Variants in FOXJ3 observed in about 807,000 individuals in gnomAD.
FOXJ3 encodes the protein forkhead box J3.
In FOXJ3, 22 loss-of-function variants were observed where a neutral mutation model predicts 76.1. That is an observed-to-expected ratio of 0.29 (90% CI 0.21 to 0.41). The LOEUF (loss-of-function observed/expected upper bound fraction) is 0.41. Ranked by LOEUF, FOXJ3 falls within the 10% of genes least tolerant of loss-of-function variation. FOXJ3 has a pLI of 1.00. For missense variants in FOXJ3, 613 were observed against 762.1 expected (o/e 0.80, Z 2.30); for synonymous variants, 269 against 261.2 (o/e 1.03, Z -0.29).
At chr1:42,243,066 G>C (rs1462298920) in intron 4 of FOXJ3, among the ~76,000 whole-genome samples, 1 of 152,134 alleles carries the variant, frequency 6.6e-6, no homozygotes, top group African/African-American at 2.4e-5. Flanking sequence ...CAGCATGTAG[G>C]TAAAAAATAC....
intron 5 of FOXJ3, among the ~76,000 whole-genome samples, chr1:42,219,431 A>G (rs933206478): frequency 6.6e-6 from 1 of 152,226 alleles, no homozygotes; most frequent in Non-Finnish European, 1.5e-5. Context: ...TATAGGGTTC[A>G]GTACTATCTG....
chr1:42,306,349 C>A lies in FOXJ3; in HGVS notation c.44+4701G>T, dbSNP rs143831325. 4.6e-3 allele frequency among the ~76,000 whole-genome samples: 601 copies of A among 131,720 alleles called. 5 individuals carry two copies. Among genetic ancestry groups the A allele is most frequent in the African/African-American group, 0.016 (569 of 35,288 alleles). The allele number at this position is 131,720 out of a possible 152,430, so 86.4% of individuals were successfully genotyped here. A position where few individuals can be genotyped will look rare whatever the true frequency, so the allele number is the denominator to read the frequency against. ...AGACAGTCTCACTCTGTCACCCAGG[C>A]TGGAGTGCAGTGGCACAATCTCAGC... On this transcript the variant is annotated intron_variant, in intron 2 of 12. Coordinates refer to ENST00000361346, the MANE Select transcript of FOXJ3 (RefSeq NM_014947.5).
intron 2 of FOXJ3, among the ~76,000 whole-genome samples, chr1:42,308,920 A>C (rs1654629755): frequency 6.9e-6 from 1 of 144,930 alleles, no homozygotes; most frequent in Admixed American, 7.4e-5. Context: ...TGAGTGTTTC[A>C]GCATTTCCCA....
Position 42,190,532 on chromosome 1 carries a change from A to C in FOXJ3, c.1351+771T>G, listed in dbSNP as rs537038150. The stretch of plus-strand genomic sequence containing the variant: ...TACCAGACTCAGATCCTTTAGTTCA[A>C]GAAGAACTTCATGGATAAGGAAACC... On this transcript the variant is annotated intron_variant, in intron 9 of 12. Transcript: ENST00000361346. Among the ~76,000 whole-genome samples the C allele has an allele frequency of 3.7e-4, 57 of 152,342 alleles. No individual in the cohort carries two copies. In the South Asian group the frequency reaches 0.011, roughly 28 times the overall value.
chr1:42,241,822 T>C lies in FOXJ3; in HGVS notation c.445-13856A>G, dbSNP rs147967751. Among the ~76,000 whole-genome samples the C allele has an allele frequency of 3.3e-3, 503 of 152,220 alleles. 2 individuals carry two copies. The highest frequency in any genetic ancestry group is 0.012 in the African/African-American group (488 of 41,522). On this transcript the variant is annotated intron_variant, in intron 4 of 12. Transcript: ENST00000361346. ...GCTGCCTTGAGGCCGAATGGCCCAATTGGACCCACTAACACCACCGTCACA... is the reference window on the plus strand; with the variant it reads ...GCTGCCTTGAGGCCGAATGGCCCAACTGGACCCACTAACACCACCGTCACA...
intron 2 of FOXJ3, among the ~76,000 whole-genome samples, chr1:42,283,326 G>C (rs943981096): frequency 1.3e-5 from 2 of 152,092 alleles, no homozygotes; most frequent in African/African-American, 4.8e-5. Context: ...CCAGGTTCAG[G>C]CTATAACAAC....
chr1:42,205,047 A>G (rs946188094), intron 6 of FOXJ3, among the ~76,000 whole-genome samples: 12 of 152,174 alleles, frequency 7.9e-5, no homozygotes, highest in Admixed American at 7.9e-4. Flanking sequence ...ACTGAAAGAG[A>G]ATCTAAGCAT....
At chr1:42,307,122 A>C (rs1045555165) in intron 2 of FOXJ3, among the ~76,000 whole-genome samples, 2 of 152,260 alleles carry the variant, frequency 1.3e-5, no homozygotes, top group Non-Finnish European at 2.9e-5. Flanking sequence ...TTCAGGTTTC[A>C]TAAGAGCCAT....
rs71065113 is a variant in FOXJ3, at chr1:42,291,083, T to TAGACAGACAGACAGACAGACAGAC, written c.45-12412_45-12411insGTCTGTCTGTCTGTCTGTCTGTCT. On this transcript the variant is annotated intron_variant, in intron 2 of 12. Coordinates refer to ENST00000361346, the MANE Select transcript of FOXJ3 (RefSeq NM_014947.5). ...ATAGATAGATAGATAGATAGATAGA[T>TAGACAGACAGACAGACAGACAGAC]AGACAGACAGACAGACAGATAGATC... is the stretch of plus-strand genomic sequence containing the variant. 3.3e-3 allele frequency among the ~76,000 whole-genome samples: 421 copies of TAGACAGACAGACAGACAGACAGAC among 126,436 alleles called. 3 individuals are homozygous for TAGACAGACAGACAGACAGACAGAC. Among genetic ancestry groups the TAGACAGACAGACAGACAGACAGAC allele is most frequent in the Non-Finnish European group, 4.8e-3 (283 of 59,200 alleles). The allele number at this position is 126,436 out of a possible 152,430, so 82.9% of individuals were successfully genotyped here. A position where few individuals can be genotyped will look rare whatever the true frequency, so the allele number is the denominator to read the frequency against.
chr1:42,274,975 A>G (rs1299347872), intron 3 of FOXJ3, among the ~76,000 whole-genome samples: 1 of 152,220 alleles, frequency 6.6e-6, no homozygotes, highest in East Asian at 1.9e-4. Flanking sequence ...AGGGACAGCT[A>G]GTAGGCTGGA....
At chr1:42,318,248 G>A (rs979759729) in intron 1 of FOXJ3, among the ~76,000 whole-genome samples, 2 of 152,008 alleles carry the variant, frequency 1.3e-5, no homozygotes, top group Non-Finnish European at 2.9e-5. Flanking sequence ...TTTAATAATG[G>A]GCAAGAATCT....
chr1:42,268,531 A>G (rs1395893270), intron 3 of FOXJ3, among the ~76,000 whole-genome samples: 1 of 152,190 alleles, frequency 6.6e-6, no homozygotes, highest in Non-Finnish European at 1.5e-5. Flanking sequence ...AATGCTTTAA[A>G]AAAAACTGTA....
chr1:42,232,070 T>C lies in FOXJ3; in HGVS notation c.445-4104A>G, dbSNP rs1419082323. ...GGTGTTTGGTTTTTTGTCCTTGCGATAGTTTGCTGAGAATGATGGTTTCCA... is the reference window on the plus strand; with the variant it reads ...GGTGTTTGGTTTTTTGTCCTTGCGACAGTTTGCTGAGAATGATGGTTTCCA... On this transcript the variant is annotated intron_variant, in intron 4 of 12. Coordinates refer to ENST00000361346, the MANE Select transcript of FOXJ3 (RefSeq NM_014947.5). Among the ~76,000 whole-genome samples the C allele has an allele frequency of 3.3e-5, 5 of 152,228 alleles. No individual in the cohort carries two copies. In the East Asian group the frequency reaches 7.7e-4, roughly 23 times the overall value.
chr1:42,281,588 G>T (rs962156289), intron 2 of FOXJ3, among the ~76,000 whole-genome samples: 5 of 152,160 alleles, frequency 3.3e-5, no homozygotes, highest in African/African-American at 1.2e-4. Flanking sequence ...CTCTAAAAAA[G>T]TGGGGCTTCT....
chr1:42,205,927 G>C, intron 5 of FOXJ3, 64 bp from the exon 6 acceptor site: 1 of 885,794 alleles, frequency 1.1e-6, no homozygotes, highest in Non-Finnish European at 1.8e-6. Context: ...AACACAGTTT[G>C]AAGGGATCTC....
chr1:42,223,060 G>A (rs939722556), intron 5 of FOXJ3, among the ~76,000 whole-genome samples: 5 of 152,066 alleles, frequency 3.3e-5, no homozygotes, highest in African/African-American at 1.2e-4. Context: ...TGTGTCTTAC[G>A]TCTTATTCTT....
chr1:42,181,645 T>C (rs560051514), intron 12 of FOXJ3, among the ~76,000 whole-genome samples: 10 of 152,210 alleles, frequency 6.6e-5, no homozygotes, highest in Non-Finnish European at 1.3e-4. Context: ...CTAGCACAAG[T>C]GCCAAGTGGC....
At chr1:42,201,944 T>A (rs915251187) in intron 6 of FOXJ3, among the ~76,000 whole-genome samples, 1 of 152,160 alleles carries the variant, frequency 6.6e-6, no homozygotes, top group Non-Finnish European at 1.5e-5. Context: ...TGATAAGTCA[T>A]TTTTTATGAT....
chr1:42,212,812 T>C (rs1290527062), intron 5 of FOXJ3, among the ~76,000 whole-genome samples: 7 of 152,042 alleles, frequency 4.6e-5, no homozygotes, highest in Non-Finnish European at 7.4e-5. Flanking sequence ...TAAGAGCAGT[T>C]AGACAAAAGC....
Sources: gnomAD v4.1 joint callset for allele counts (sites outside exome capture counted in the v4.1 genomes callset) on GRCh38, gnomAD v4.1.1 for gene constraint, MANE v1.5 for transcripts, NCBI Gene and HGNC (gene_info 2026-07-23, HGNC 2026-07-21) for gene names.